Variants in RANBP3 observed in about 807,000 individuals in gnomAD.
RANBP3 encodes RAN binding protein 3, also known as ran-binding protein 3.
Under a neutral mutation model 77.3 loss-of-function variants are expected in RANBP3, and 14 were observed. The ratio of observed to expected loss-of-function variants is 0.18; its 90% CI spans 0.12 to 0.28. The LOEUF (loss-of-function observed/expected upper bound fraction) is 0.28, where lower values mean the gene tolerates loss of function less well. RANBP3 is among the 10% of genes least tolerant of loss of function. RANBP3 has a pLI of 1.00. For missense variants in RANBP3, 586 were observed against 752.3 expected (o/e 0.78, Z 2.59); for synonymous variants, 315 against 312.4 (o/e 1.01, Z -0.09).
At chr19:5,941,587 C>T (rs752266619) in intron 5 of RANBP3, 34 bp downstream of exon 5, 9 of 1,555,758 alleles carry the variant, frequency 5.8e-6, no homozygotes, top group Non-Finnish European at 7.1e-6. Context: ...TAAGCATAAA[C>T]GCTTTCACCA....
At chr19:5,918,777 G>T in intron 14 of RANBP3, 139 bp from the exon 15 acceptor site, 1 of 1,089,842 alleles carries the variant, frequency 9.2e-7, no homozygotes, top group Non-Finnish European at 1.3e-6. Flanking sequence ...CCCACCCACA[G>T]AGCAAGACTT....
intron 5 of RANBP3, among the ~76,000 whole-genome samples, chr19:5,936,566 T>G (rs1214505134): frequency 6.6e-6 from 1 of 152,218 alleles, no homozygotes; most frequent in Non-Finnish European, 1.5e-5. Flanking sequence ...CCTTGGTTTC[T>G]AAAGACCATG....
chr19:5,925,446 G>T, intron 10 of RANBP3, 188 bp downstream of exon 10: 1 of 610,284 alleles, frequency 1.6e-6, no homozygotes, highest in South Asian at 1.9e-5. Context: ...GTGAATCCCA[G>T]GACAAGGCCC....
At position 5,931,486 on chromosome 19, in the gene RANBP3, G is replaced by A. The variant is rs376761048; in HGVS notation, c.611C>T (p.Thr204Met). The A allele has an allele frequency of 5.6e-6, 9 of 1,612,408 alleles. No individual in the cohort carries two copies. Among genetic ancestry groups the A allele is most frequent in the African/African-American group, 1.3e-5 (1 of 74,912 alleles). Residue 204 changes from threonine to methionine, a missense_variant, in exon 8 of 17, where the codon ACG becomes ATG. Physicochemically the swap from Thr to Met is moderately conservative, Grantham distance 81. Coordinates refer to ENST00000340578, the MANE Select transcript of RANBP3 (RefSeq NM_007322.3). ...TNGVSLPADC[T>M]GAVPAASPDT... is the part of the protein sequence containing the mutation. ...AGGGGATGCTGCGGGCACTGCCCCC[G>A]TGCAGTCTGCTGGGAGGCTGACCCC...
At chr19:5,962,178 C>T (rs1316820636) in intron 1 of RANBP3, among the ~76,000 whole-genome samples, 1 of 151,984 alleles carries the variant, frequency 6.6e-6, no homozygotes, top group African/African-American at 2.4e-5. Flanking sequence ...CTCTGTCATT[C>T]ATCTACACAA....
At chr19:5,926,181 C>T (rs997252306) in intron 9 of RANBP3, among the ~76,000 whole-genome samples, 12 of 152,244 alleles carry the variant, frequency 7.9e-5, no homozygotes, top group Non-Finnish European at 1.3e-4. Flanking sequence ...CTTTAATCCT[C>T]ACGAGGCCTG....
At chr19:5,939,960 C>T (rs2058114102) in intron 5 of RANBP3, among the ~76,000 whole-genome samples, 1 of 152,246 alleles carries the variant, frequency 6.6e-6, no homozygotes, top group African/African-American at 2.4e-5. Context: ...CCATGGGGTT[C>T]CCCCTCCCCC....
intron 15 of RANBP3, 112 bp downstream of exon 15, chr19:5,918,384 T>TGGGGGGGGGGGGGGGG: frequency 1.3e-6 from 1 of 741,814 alleles, no homozygotes. Context: ...AGGAAGCAAC[T>TGGGGGGGGGGGGGGGG]GAAGCCCCTC....
intron 5 of RANBP3, among the ~76,000 whole-genome samples, chr19:5,937,056 C>CAAAAAAAAAAAAAAAAAAAAAAAAAAAA (rs71172783): frequency 3.8e-4 from 14 of 37,180 alleles, no homozygotes; most frequent in Admixed American, 5.1e-4. Context: ...ACTCTGTCTC[C>CAAAAAAAAAAAAAAAAAAAAAAAAAAAA]AAAAAAAAAA....
chr19:5,935,420 C>T (rs955414230), intron 5 of RANBP3, among the ~76,000 whole-genome samples: 21 of 152,260 alleles, frequency 1.4e-4, no homozygotes, highest in African/African-American at 3.1e-4. Context: ...CCGAAGGAAA[C>T]ACTCAATTAC....
intron 8 of RANBP3, 120 bp from the exon 9 acceptor site, chr19:5,928,207 A>C: frequency 8.4e-7 from 1 of 1,183,804 alleles, no homozygotes; most frequent in Non-Finnish European, 1.2e-6. Flanking sequence ...ATGTGCCTGC[A>C]CTCCCAGCTA....
chr19:5,939,325 G>A (rs965574607), intron 5 of RANBP3, among the ~76,000 whole-genome samples: 3 of 152,160 alleles, frequency 2.0e-5, no homozygotes, highest in Non-Finnish European at 4.4e-5. Context: ...AAACATGAGG[G>A]CTTATGAAGC....
chr19:5,978,114 G>A lies in RANBP3; in HGVS notation c.-32C>T, dbSNP rs564509721. On this transcript the variant is annotated 5_prime_UTR_variant, in exon 1 of 17. Transcript: ENST00000340578. The stretch of plus-strand genomic sequence containing the variant: ...TCCTTAAGCCCTCCCACAAGGCCCC[G>A]CGCCGGCCCAGGCTCGCCTGCTTTC... 7.5e-6 allele frequency: 12 copies of A among 1,600,886 alleles called. No individual in the cohort carries two copies. Among genetic ancestry groups the A allele is most frequent in the South Asian group, 1.1e-5 (1 of 89,250 alleles).
chr19:5,973,412 T>C (rs888409484), intron 1 of RANBP3, among the ~76,000 whole-genome samples: 3 of 152,190 alleles, frequency 2.0e-5, no homozygotes, highest in Non-Finnish European at 2.9e-5. Flanking sequence ...TCCACTGTCA[T>C]GACTGGCGGG....
At chr19:5,946,667 A>G (rs552557155) in intron 3 of RANBP3, among the ~76,000 whole-genome samples, 19 of 152,182 alleles carry the variant, frequency 1.2e-4, no homozygotes, top group African/African-American at 2.4e-4. Flanking sequence ...CTCTGCCCCA[A>G]TCCAGGCCTC....
chr19:5,925,761 GTA>G, intron 9 of RANBP3, 24 bp from the exon 10 acceptor site: 1 of 1,588,692 alleles, frequency 6.3e-7, no homozygotes, highest in Non-Finnish European at 8.6e-7. Context: ...GGAGCGCTCA[GTA>G]ATCGGGGGTG....
Position 5,923,808 on chromosome 19 carries a change from A to G in RANBP3, c.1099+4T>C, listed in dbSNP as rs1008025123. Reference sequence around the variant, plus strand: ...CCCCATGCTGTGGTGGGACGCTAACATACCTTTCTCAGGGGTGGCCTCCTG... The same window carrying G: ...CCCCATGCTGTGGTGGGACGCTAACGTACCTTTCTCAGGGGTGGCCTCCTG... On this transcript the variant is annotated splice_donor_region_variant and intron_variant, in intron 12 of 16. Transcript: ENST00000340578. 6.2e-7 allele frequency: 1 copy of G among 1,605,762 alleles called. No individual in the cohort carries two copies. The highest frequency in any genetic ancestry group is 8.5e-7 in the Non-Finnish European group (1 of 1,172,588).
intron 1 of RANBP3, among the ~76,000 whole-genome samples, chr19:5,960,592 A>T (rs1015141145): frequency 3.9e-5 from 6 of 152,102 alleles, no homozygotes; most frequent in Non-Finnish European, 7.4e-5. Flanking sequence ...ACACTTCATG[A>T]AGGGGGAGGG....
At chr19:5,964,244 C>T (rs1246099870) in intron 1 of RANBP3, among the ~76,000 whole-genome samples, 2 of 152,164 alleles carry the variant, frequency 1.3e-5, no homozygotes, top group Non-Finnish European at 2.9e-5. Context: ...GCACAGGAAG[C>T]TTGGCCATCT....
Sources: allele counts gnomAD v4.1 joint callset (sites outside exome capture counted in the v4.1 genomes callset), GRCh38; gene constraint gnomAD v4.1.1; transcripts MANE v1.5; gene names NCBI Gene and HGNC (gene_info 2026-07-23, HGNC 2026-07-21).